INTS6L: variants seen among roughly 807,000 people sequenced by gnomAD.
The protein encoded by INTS6L is integrator complex subunit 6 like.
In INTS6L, 18 loss-of-function variants were observed where a neutral mutation model predicts 64.7. The observed-to-expected ratio is 0.28, with a 90% CI of 0.19 to 0.41. INTS6L has a LOEUF of 0.41. INTS6L is among the 10% of genes least tolerant of loss of function. The pLI is 1.00. For synonymous variants in INTS6L, 227 were observed against 235.9 expected (o/e 0.96, Z 0.34); for missense variants, 533 against 661.0 (o/e 0.81, Z 2.12).
At chrX:135,535,891 T>C (rs1345232010) in intron 2 of INTS6L, among the ~76,000 whole-genome samples, 4 of 111,799 alleles carry the variant, frequency 3.6e-5, no homozygotes, top group Non-Finnish European at 1.9e-5. Context: ...ATGGCAGATA[T>C]TACCAGGCTG....
intron 2 of INTS6L, among the ~76,000 whole-genome samples, chrX:135,530,207 GTTA>G (rs1256378770): frequency 4.4e-5 from 5 of 112,659 alleles, no homozygotes; most frequent in African/African-American, 1.6e-4. Context: ...TACTGCTAGT[GTTA>G]TTATTTCTAA....
chrX:135,543,244 A>G (rs965042835), intron 2 of INTS6L, among the ~76,000 whole-genome samples: 69 of 112,030 alleles, frequency 6.2e-4, no homozygotes, highest in African/African-American at 2.2e-3. Flanking sequence ...GCCAGCAGAT[A>G]AAATCCAAAC....
intron 2 of INTS6L, among the ~76,000 whole-genome samples, chrX:135,525,557 T>C (rs1206060322): frequency 8.9e-6 from 1 of 112,585 alleles, no homozygotes; most frequent in Non-Finnish European, 1.9e-5. Flanking sequence ...TACTGGTGTC[T>C]GCATGCCTTT....
At chrX:135,533,592 C>T (rs2085966627) in intron 2 of INTS6L, among the ~76,000 whole-genome samples, 2 of 109,612 alleles carry the variant, frequency 1.8e-5, no homozygotes. Context: ...TGTGGTTCCC[C>T]CCATGTGCCC....
intron 9 of INTS6L, among the ~76,000 whole-genome samples, chrX:135,567,453 C>T (rs781913484): frequency 8.9e-6 from 1 of 111,931 alleles, no homozygotes; most frequent in Non-Finnish European, 1.9e-5. Flanking sequence ...CAGGAGCTCT[C>T]TACTCTTAAT....
chrX:135,525,395 A>G (rs1264244617), intron 2 of INTS6L, among the ~76,000 whole-genome samples: 1 of 112,802 alleles, frequency 8.9e-6, no homozygotes, highest in African/African-American at 3.2e-5. Context: ...TAGTTGAAAC[A>G]CATGTATAAA....
intron 2 of INTS6L, among the ~76,000 whole-genome samples, chrX:135,540,739 T>TCCG (rs1164032262): frequency 2.8e-5 from 3 of 107,421 alleles, no homozygotes; most frequent in Non-Finnish European, 3.9e-5. Flanking sequence ...CTCCTCCTCC[T>TCCG]CTTCCTCCCC....
At chrX:135,528,336 T>C (rs1398795700) in intron 2 of INTS6L, among the ~76,000 whole-genome samples, 1 of 111,879 alleles carries the variant, frequency 8.9e-6, no homozygotes, top group Non-Finnish European at 1.9e-5. Context: ...TTGTTTCTAA[T>C]GGGAAATGGG....
At chrX:135,536,514 A>G (rs945344650) in intron 2 of INTS6L, among the ~76,000 whole-genome samples, 1 of 111,583 alleles carries the variant, frequency 9.0e-6, no homozygotes, top group Non-Finnish European at 1.9e-5. Context: ...AAGGATTACA[A>G]GTGACCTTTA....
chrX:135,527,201 G>A (rs1278548771), intron 2 of INTS6L, among the ~76,000 whole-genome samples: 6 of 111,719 alleles, frequency 5.4e-5, no homozygotes, highest in South Asian at 3.7e-4. Flanking sequence ...TGTAATTACC[G>A]TTCTGACTTT....
chrX:135,556,104 A>G (rs1470335283), intron 8 of INTS6L, 64 bp from the exon 9 acceptor site: 4 of 1,052,616 alleles, frequency 3.8e-6, no homozygotes, highest in East Asian at 6.7e-5. Context: ...GAATGTTACA[A>G]TGGGTTTGGT....
intron 2 of INTS6L, among the ~76,000 whole-genome samples, chrX:135,535,998 A>G (rs1183551900): frequency 8.9e-6 from 1 of 112,435 alleles, no homozygotes; most frequent in Non-Finnish European, 1.9e-5. Context: ...TCCTTCATTC[A>G]TTGTGAAGAG....
At chrX:135,530,114 A>G (rs781926379) in intron 2 of INTS6L, among the ~76,000 whole-genome samples, 3 of 112,646 alleles carry the variant, frequency 2.7e-5, no homozygotes, top group African/African-American at 6.4e-5. Flanking sequence ...TTTTTTAAAC[A>G]TAATTATCAT....
intron 2 of INTS6L, among the ~76,000 whole-genome samples, chrX:135,525,669 A>G (rs1556500726): frequency 1.8e-5 from 2 of 112,372 alleles, no homozygotes; most frequent in Non-Finnish European, 3.8e-5. Context: ...TAGAATTTTA[A>G]CTAAGACATA....
At chrX:135,545,724 C>A in intron 3 of INTS6L, 152 bp downstream of exon 3, 1 of 566,955 alleles carries the variant, frequency 1.8e-6, no homozygotes, top group Non-Finnish European at 2.6e-6. Context: ...TTTTAAAAAT[C>A]CCTCTTCTTT....
intron 2 of INTS6L, among the ~76,000 whole-genome samples, chrX:135,522,789 C>G (rs1202469479): frequency 8.9e-6 from 1 of 112,083 alleles, no homozygotes; most frequent in Non-Finnish European, 1.9e-5. Flanking sequence ...TAAAACTGTT[C>G]TTTTTTCGAT....
chrX:135,563,629 G>GTATA (rs2086846940), intron 9 of INTS6L, among the ~76,000 whole-genome samples: 2 of 2,800 alleles, frequency 7.1e-4, no homozygotes, highest in East Asian at 0.022. Flanking sequence ...ATGTGTGTGT[G>GTATA]TGTGTATATA....
At chrX:135,577,634 AAATTAT>A (rs1365718521) in intron 15 of INTS6L, among the ~76,000 whole-genome samples, 1 of 112,138 alleles carries the variant, frequency 8.9e-6, no homozygotes, top group Non-Finnish European at 1.9e-5. Flanking sequence ...GAGGTGAAAA[AAATTAT>A]AATTATATAG....
chrX:135,578,744 C>G (rs913394410), intron 15 of INTS6L, among the ~76,000 whole-genome samples: 1 of 111,748 alleles, frequency 8.9e-6, no homozygotes, highest in South Asian at 3.8e-4. Context: ...CTCTATCCCT[C>G]CAGTGCACAC....
Sources: allele counts gnomAD v4.1 joint callset (sites outside exome capture counted in the v4.1 genomes callset), GRCh38; gene constraint gnomAD v4.1.1; transcripts MANE v1.5; gene names NCBI Gene and HGNC (gene_info 2026-07-23, HGNC 2026-07-21).